The following GPATCH2 variants were observed in gnomAD, a reference collection of about 807,000 sequenced individuals.
The protein encoded by GPATCH2 is G-patch domain containing 2.
GPATCH2 carries 51 observed loss-of-function variants against 58.0 expected under a neutral mutation model. That is an observed-to-expected ratio of 0.88 (90% CI 0.70 to 1.11). The LOEUF (loss-of-function observed/expected upper bound fraction) is 1.11. Ranked by LOEUF, GPATCH2 falls within the 50% of genes most tolerant of loss-of-function variation. GPATCH2 has a pLI of 0.00. For missense variants in GPATCH2, 625 were observed against 652.2 expected (o/e 0.96, Z 0.45); for synonymous variants, 222 against 218.5 (o/e 1.02, Z -0.14).
intron 8 of GPATCH2, among the ~76,000 whole-genome samples, chr1:217,483,083 A>G (rs946532430): frequency 3.3e-4 from 50 of 152,210 alleles, no homozygotes; most frequent in African/African-American, 1.1e-3. Flanking sequence ...GTTTATCCAT[A>G]TACTCTCTGT....
At chr1:217,608,474 C>T in intron 5 of GPATCH2, 1 of 985,170 alleles carries the variant, frequency 1.0e-6, no homozygotes, top group Non-Finnish European at 1.2e-6. Context: ...CATGTATCAT[C>T]AATACCATGA....
intron 5 of GPATCH2, among the ~76,000 whole-genome samples, chr1:217,552,220 CCT>C (rs1227130000): frequency 2.0e-5 from 3 of 152,096 alleles, no homozygotes; most frequent in East Asian, 3.9e-4. Flanking sequence ...CCTTGTAAAA[CCT>C]CTCTTAACAG....
At chr1:217,592,704 T>C (rs982711886) in intron 5 of GPATCH2, among the ~76,000 whole-genome samples, 17 of 151,920 alleles carry the variant, frequency 1.1e-4, no homozygotes, top group Admixed American at 2.0e-4. Flanking sequence ...AACATGTATA[T>C]TTAGAGATTA....
At chr1:217,449,760 A>T (rs980736983) in intron 8 of GPATCH2, among the ~76,000 whole-genome samples, 2 of 152,234 alleles carry the variant, frequency 1.3e-5, no homozygotes, top group Non-Finnish European at 2.9e-5. Flanking sequence ...TTCTTTTAGG[A>T]TATTACGCAG....
chr1:217,470,369 A>T (rs369666774), intron 8 of GPATCH2, among the ~76,000 whole-genome samples: 26 of 152,324 alleles, frequency 1.7e-4, no homozygotes, highest in Middle Eastern at 6.8e-3. Flanking sequence ...TACCAGAAAA[A>T]GAGAAGACGT....
intron 6 of GPATCH2, among the ~76,000 whole-genome samples, chr1:217,511,799 T>C (rs1019780179): frequency 3.4e-4 from 51 of 149,600 alleles, no homozygotes; most frequent in Admixed American, 4.1e-4. Flanking sequence ...CATCAACCTA[T>C]GTAACTTAAC....
intron 5 of GPATCH2, among the ~76,000 whole-genome samples, chr1:217,551,100 A>C (rs1032183957): frequency 2.6e-5 from 4 of 151,744 alleles, no homozygotes; most frequent in African/African-American, 9.7e-5. Flanking sequence ...AGAAAATATA[A>C]CAAGAATTCT....
chr1:217,625,450 T>C (rs1005859694), intron 1 of GPATCH2, among the ~76,000 whole-genome samples: 2 of 152,154 alleles, frequency 1.3e-5, no homozygotes, highest in East Asian at 1.9e-4. Flanking sequence ...TAAGTGGGAA[T>C]AGCAAGAGTG....
chr1:217,564,851 G>A (rs540894745), intron 5 of GPATCH2, among the ~76,000 whole-genome samples: 1 of 152,048 alleles, frequency 6.6e-6, no homozygotes, highest in Non-Finnish European at 1.5e-5. Context: ...CGTGCTGCTG[G>A]CTCTAAGTGT....
intron 4 of GPATCH2, 105 bp downstream of exon 4, chr1:217,610,784 T>C: frequency 1.4e-6 from 1 of 734,806 alleles, no homozygotes; most frequent in Non-Finnish European, 2.3e-6. Context: ...TACAGCATCT[T>C]GTGTTTACAT....
chr1:217,491,767 G>A lies in GPATCH2; in HGVS notation c.1207-17C>T. On this transcript the variant is annotated splice_polypyrimidine_tract_variant and intron_variant, in intron 7 of 9. Transcript: ENST00000366935. ...AAGCTGATGCTACACAAAGTGTTAA[G>A]ACAAAGTCATAGAAACAAAAATATT... 1 of 1,085,384 alleles carries A rather than the reference G, an allele frequency of 9.2e-7. No individual in the cohort carries two copies. Among genetic ancestry groups the A allele is most frequent in the Non-Finnish European group, 1.3e-6 (1 of 744,184 alleles). 67.2% of individuals were successfully genotyped at this position (1,085,384 alleles called of 1,614,324 possible). A position where few individuals can be genotyped will look rare whatever the true frequency, so the allele number is the denominator to read the frequency against.
chr1:217,518,814 C>A (rs936310473), intron 5 of GPATCH2, among the ~76,000 whole-genome samples: 5 of 152,212 alleles, frequency 3.3e-5, no homozygotes, highest in African/African-American at 1.2e-4. Flanking sequence ...TATTTGCCTT[C>A]CAAATGCTAC....
intron 8 of GPATCH2, among the ~76,000 whole-genome samples, chr1:217,450,331 T>C (rs1297775568): frequency 2.0e-5 from 3 of 151,934 alleles, no homozygotes; most frequent in Non-Finnish European, 4.4e-5. Flanking sequence ...AAACAGATTA[T>C]TAGGAAGAAA....
chr1:217,489,041 T>A (rs1312421799), intron 8 of GPATCH2, among the ~76,000 whole-genome samples: 1 of 151,848 alleles, frequency 6.6e-6, no homozygotes, highest in Non-Finnish European at 1.5e-5. Flanking sequence ...ATGATTCAAT[T>A]GTCTAATTTT....
intron 5 of GPATCH2, among the ~76,000 whole-genome samples, chr1:217,523,943 C>G (rs1259042854): frequency 7.9e-6 from 1 of 127,318 alleles, no homozygotes; most frequent in Non-Finnish European, 1.8e-5. Context: ...GTTGGCCGGG[C>G]GGGGGGCTGA....
At chr1:217,449,099 C>A in intron 9 of GPATCH2, 150 bp downstream of exon 9, 1 of 625,392 alleles carries the variant, frequency 1.6e-6, no homozygotes, top group East Asian at 2.7e-5. Flanking sequence ...TGTAATACAC[C>A]CTGATACCAC....
chr1:217,573,898 T>A, intron 5 of GPATCH2, among the ~76,000 whole-genome samples: 1 of 152,240 alleles, frequency 6.6e-6, no homozygotes, highest in East Asian at 1.9e-4. Context: ...ATGATCTGAT[T>A]CTATTCTCAC....
chr1:217,627,660 A>C (rs1318033910), intron 1 of GPATCH2, among the ~76,000 whole-genome samples: 2 of 152,034 alleles, frequency 1.3e-5, no homozygotes, highest in African/African-American at 4.8e-5. Context: ...AACTTTCAGG[A>C]AGTTTTCTTT....
chr1:217,497,635 T>G (rs1662078100), intron 7 of GPATCH2, among the ~76,000 whole-genome samples: 1 of 152,098 alleles, frequency 6.6e-6, no homozygotes. Flanking sequence ...TGCCTACCCC[T>G]CAGAAGAAAT....
Sources: allele counts gnomAD v4.1 joint callset (sites outside exome capture counted in the v4.1 genomes callset), GRCh38; gene constraint gnomAD v4.1.1; transcripts MANE v1.5; gene names NCBI Gene and HGNC (gene_info 2026-07-23, HGNC 2026-07-21).